Variants in FER observed in about 807,000 individuals in gnomAD.
The protein encoded by FER is FER tyrosine kinase, also known as tyrosine-protein kinase Fer.
A neutral mutation model predicts 111.0 loss-of-function variants in FER; 63 were observed. The observed-to-expected ratio is 0.57, with a 90% CI of 0.46 to 0.70. The LOEUF is 0.70. Ranked by LOEUF, FER falls within the 30% of genes least tolerant of loss-of-function variation. The pLI, the probability that FER is intolerant of heterozygous loss-of-function variation, is 0.00. For missense variants in FER, 914 were observed against 954.0 expected (o/e 0.96, Z 0.55); for synonymous variants, 327 against 313.9 (o/e 1.04, Z -0.44).
At chr5:109,137,907 T>A (rs1250020717) in intron 17 of FER, among the ~76,000 whole-genome samples, 1 of 152,210 alleles carries the variant, frequency 6.6e-6, no homozygotes, top group Non-Finnish European at 1.5e-5. Context: ...GCTAGTGTCT[T>A]GATTTAACTT....
intron 17 of FER, among the ~76,000 whole-genome samples, chr5:109,159,168 T>C (rs1755726697): frequency 6.6e-6 from 1 of 152,166 alleles, no homozygotes. Context: ...CTTTTCTATA[T>C]TTTATCAGTA....
At chr5:108,873,396 C>A (rs1048790676) in intron 8 of FER, among the ~76,000 whole-genome samples, 5 of 152,158 alleles carry the variant, frequency 3.3e-5, no homozygotes, top group African/African-American at 7.2e-5. Flanking sequence ...TCACCCACCT[C>A]GGCCTGCCAG....
intron 1 of FER, among the ~76,000 whole-genome samples, chr5:108,755,703 C>G (rs1269849751): frequency 6.6e-6 from 1 of 151,582 alleles, no homozygotes. Flanking sequence ...TCAGGCTTGT[C>G]ACAAACTCCT....
At chr5:108,808,658 CTTTGTAG>C (rs897576000) in intron 3 of FER, among the ~76,000 whole-genome samples, 82 of 151,976 alleles carry the variant, frequency 5.4e-4, no homozygotes, top group African/African-American at 1.5e-3. Flanking sequence ...TAGATGATTA[CTTTGTAG>C]TTTGTATTGT....
intron 3 of FER, among the ~76,000 whole-genome samples, chr5:108,821,504 C>CA (rs1758839626): frequency 6.6e-6 from 1 of 151,978 alleles, no homozygotes; most frequent in South Asian, 2.1e-4. Context: ...TTTAATATCC[C>CA]AAGGCTGACA....
intron 13 of FER, among the ~76,000 whole-genome samples, chr5:109,033,564 C>T (rs374304074): frequency 1.3e-5 from 2 of 152,144 alleles, no homozygotes; most frequent in African/African-American, 2.4e-5. Context: ...ATTTCAGAGG[C>T]GTAAGTAAAG....
intron 3 of FER, among the ~76,000 whole-genome samples, chr5:108,826,675 G>A (rs1311339077): frequency 6.6e-6 from 1 of 152,210 alleles, no homozygotes; most frequent in Non-Finnish European, 1.5e-5. Flanking sequence ...AAGGACTGAT[G>A]TCAATTCTTC....
intron 16 of FER, chr5:109,051,260 C>T (rs1772758721): frequency 3.4e-6 from 4 of 1,183,780 alleles, no homozygotes; most frequent in South Asian, 1.2e-5. Flanking sequence ...TTCTACAGCA[C>T]CTTTTTTCTT....
chr5:109,119,117 A>C (rs1258178385), intron 17 of FER, among the ~76,000 whole-genome samples: 2 of 151,830 alleles, frequency 1.3e-5, no homozygotes, highest in African/African-American at 2.4e-5. Context: ...TCAATTTTAG[A>C]TCTTTCCTGC....
intron 1 of FER, among the ~76,000 whole-genome samples, chr5:108,748,210 A>G (rs1055583602): frequency 9.2e-5 from 14 of 152,242 alleles, no homozygotes; most frequent in African/African-American, 2.9e-4. Context: ...TAACAGATAC[A>G]AGTAAAACGT....
chr5:109,174,075 G>C (rs757130725), intron 17 of FER, among the ~76,000 whole-genome samples: 2 of 152,144 alleles, frequency 1.3e-5, no homozygotes, highest in Non-Finnish European at 2.9e-5. Flanking sequence ...CTAATTTACA[G>C]CTGCAGGCTT....
chr5:108,825,547 C>A (rs1253087130), intron 3 of FER, among the ~76,000 whole-genome samples: 3 of 152,142 alleles, frequency 2.0e-5, no homozygotes, highest in Non-Finnish European at 2.9e-5. Context: ...TGCTCAAACA[C>A]ACATGCTGTG....
intron 16 of FER, among the ~76,000 whole-genome samples, chr5:109,094,502 C>T (rs181411479): frequency 2.2e-4 from 34 of 152,194 alleles, no homozygotes; most frequent in Middle Eastern, 6.8e-3. Flanking sequence ...CACTTCTGGT[C>T]CAAGTCATTT....
chr5:108,930,021 A>G (rs1347574066), intron 10 of FER, among the ~76,000 whole-genome samples: 1 of 152,146 alleles, frequency 6.6e-6, no homozygotes, highest in Non-Finnish European at 1.5e-5. Context: ...TAAGATATCT[A>G]ATAATTAGCT....
chr5:108,829,540 G>A (rs900207963), intron 3 of FER, among the ~76,000 whole-genome samples: 2 of 152,116 alleles, frequency 1.3e-5, no homozygotes, highest in African/African-American at 4.8e-5. Context: ...TTGGAAAGCC[G>A]AAGTGGGAGA....
chr5:108,959,221 C>T lies in FER; in HGVS notation c.1534-4C>T, dbSNP rs1385846397. ...TTTATTCTACCTTATTGTTCTCTCT[C>T]CAGAACATGTATCGATTCGAGGGCA... On this transcript the variant is annotated splice_polypyrimidine_tract_variant and splice_region_variant and intron_variant, in intron 12 of 19. Coordinates refer to ENST00000281092, the MANE Select transcript of FER (RefSeq NM_005246.4). 2 of 1,610,786 alleles carry T rather than the reference C, an allele frequency of 1.2e-6. No homozygotes were observed.
At chr5:108,977,185 G>A (rs1305931272) in intron 13 of FER, among the ~76,000 whole-genome samples, 2 of 152,154 alleles carry the variant, frequency 1.3e-5, no homozygotes, top group Non-Finnish European at 2.9e-5. Context: ...TTAATTTTAT[G>A]CAGTTGTGAT....
chr5:109,048,876 A>G (rs1271136355), intron 16 of FER, among the ~76,000 whole-genome samples: 3 of 150,806 alleles, frequency 2.0e-5, no homozygotes, highest in South Asian at 2.1e-4. Flanking sequence ...TGATGGTTTT[A>G]CTGTTTTGCA....
intron 10 of FER, among the ~76,000 whole-genome samples, chr5:108,927,277 G>A (rs1381932102): frequency 5.5e-5 from 2 of 36,042 alleles, no homozygotes; most frequent in African/African-American, 4.0e-4. Flanking sequence ...TTTTTGAGAC[G>A]GAGTCTCGCT....
Sources: allele counts gnomAD v4.1 joint callset (sites outside exome capture counted in the v4.1 genomes callset), GRCh38; gene constraint gnomAD v4.1.1; transcripts MANE v1.5; gene names NCBI Gene and HGNC (gene_info 2026-07-23, HGNC 2026-07-21).